KCNIP1: variants seen among roughly 807,000 people sequenced by gnomAD.
KCNIP1 encodes the protein potassium voltage-gated channel interacting protein 1.
A neutral mutation model predicts 33.0 loss-of-function variants in KCNIP1; 18 were observed. That is an observed-to-expected ratio of 0.55 (90% CI 0.38 to 0.81). KCNIP1 has a LOEUF of 0.81. Ranked by LOEUF, KCNIP1 falls within the 30% of genes least tolerant of loss-of-function variation. The probability of loss-of-function intolerance (pLI) is 0.00; values close to 1 mark genes in which losing one functional copy is unlikely to be tolerated. For missense variants in KCNIP1, 238 were observed against 271.6 expected, an observed-to-expected ratio of 0.88 and a Z score of 0.87; for synonymous variants, 93 against 98.3, an observed-to-expected ratio of 0.95 and a Z score of 0.32.
At chr5:170,668,871 G>T (rs933000581) in intron 1 of KCNIP1, among the ~76,000 whole-genome samples, 1 of 152,174 alleles carries the variant, frequency 6.6e-6, no homozygotes, top group Admixed American at 6.5e-5. Context: ...GCTGGTTTTG[G>T]GGTTGCCACA....
intron 1 of KCNIP1, among the ~76,000 whole-genome samples, chr5:170,541,836 ATC>A (rs1581298818): frequency 6.6e-6 from 1 of 152,318 alleles, no homozygotes; most frequent in East Asian, 1.9e-4. Flanking sequence ...CCATTTGCAC[ATC>A]TACAAAAATG....
At chr5:170,635,989 A>G (rs1258507701) in intron 1 of KCNIP1, among the ~76,000 whole-genome samples, 1 of 152,244 alleles carries the variant, frequency 6.6e-6, no homozygotes, top group Non-Finnish European at 1.5e-5. Context: ...TGGGCTGGGT[A>G]TGGGCATGAG....
chr5:170,509,385 A>G (rs1395058952), intron 1 of KCNIP1, among the ~76,000 whole-genome samples: 2 of 152,182 alleles, frequency 1.3e-5, no homozygotes, highest in African/African-American at 2.4e-5. Context: ...AATGGAAGAC[A>G]GAGGAGAAGG....
At chr5:170,581,803 T>G (rs1194858519) in intron 1 of KCNIP1, among the ~76,000 whole-genome samples, 1 of 152,110 alleles carries the variant, frequency 6.6e-6, no homozygotes, top group Non-Finnish European at 1.5e-5. Flanking sequence ...AAAGAAGAGG[T>G]TTATTTGGCT....
At chr5:170,412,909 C>A (rs1755233385) in intron 1 of KCNIP1, among the ~76,000 whole-genome samples, 1 of 152,158 alleles carries the variant, frequency 6.6e-6, no homozygotes, top group Non-Finnish European at 1.5e-5. Flanking sequence ...ACACCTGCCG[C>A]CCCAGGCACC....
In KCNIP1 at chr5:170,504,441, A is replaced by G; in HGVS notation, c.-132A>G. 6.6e-7 allele frequency: 1 copy of G among 1,520,290 alleles called. No homozygotes were observed. Among genetic ancestry groups the G allele is most frequent in the South Asian group, 1.3e-5 (1 of 78,582 alleles). The allele number at this position is 1,520,290 out of a possible 1,614,324, so 94.2% of individuals were successfully genotyped here. A position where few individuals can be genotyped will look rare whatever the true frequency, so the allele number is the denominator to read the frequency against. On this transcript the variant is annotated 5_prime_UTR_variant, in exon 1 of 8. It adds an upstream start codon to the 5' untranslated region. Coordinates refer to ENST00000328939, the MANE Select transcript of KCNIP1 (RefSeq NM_014592.4). The surrounding 1 kb of genome is among the most constrained non-coding windows in gnomAD (Gnocchi z 6.0). ...AGCCTCGCCTCCACGCTTGCTGAAT[A>G]CCAAGCTGCAGGCGAGCTGCCGGGC... is the stretch of plus-strand genomic sequence containing the variant.
intron 1 of KCNIP1, among the ~76,000 whole-genome samples, chr5:170,451,811 G>A (rs531945368): frequency 2.7e-5 from 4 of 150,234 alleles, no homozygotes; most frequent in East Asian, 1.9e-4. Context: ...CTGGGTGTCC[G>A]TGACTGGGCA....
At chr5:170,626,446 A>C (rs1759828419) in intron 1 of KCNIP1, among the ~76,000 whole-genome samples, 1 of 152,216 alleles carries the variant, frequency 6.6e-6, no homozygotes, top group South Asian at 2.1e-4. Flanking sequence ...CACCGTGAGC[A>C]GGTGTCACTG....
chr5:170,442,040 G>T (rs1298726102), intron 1 of KCNIP1, among the ~76,000 whole-genome samples: 1 of 151,688 alleles, frequency 6.6e-6, no homozygotes, highest in African/African-American at 2.4e-5. Context: ...CCAGGAAGAG[G>T]AAGCCACCAC....
intron 1 of KCNIP1, among the ~76,000 whole-genome samples, chr5:170,598,585 C>T (rs971120151): frequency 6.6e-6 from 1 of 152,168 alleles, no homozygotes; most frequent in African/African-American, 2.4e-5. Context: ...CATGGGTGGA[C>T]TCGAGTCCTA....
At chr5:170,656,992 C>CTT (rs11397076) in intron 1 of KCNIP1, among the ~76,000 whole-genome samples, 7,964 of 115,454 alleles carry the variant, frequency 0.069, 609 homozygotes, top group African/African-American at 0.18. Context: ...TTTTTTCTTT[C>CTT]TTTCTTTTTT....
chr5:170,638,371 C>T (rs959674805), intron 1 of KCNIP1, among the ~76,000 whole-genome samples: 5 of 152,180 alleles, frequency 3.3e-5, no homozygotes, highest in African/African-American at 1.2e-4. Flanking sequence ...TCTCAGTCAC[C>T]TCTGTATGCC....
intron 1 of KCNIP1, chr5:170,377,259 C>T (rs1182445142): frequency 6.6e-6 from 1 of 152,256 alleles, no homozygotes; most frequent in African/African-American, 2.4e-5. Context: ...GAACACAGAA[C>T]ATTGCTACCC....
At chr5:170,446,766 T>C (rs1756126207) in intron 1 of KCNIP1, among the ~76,000 whole-genome samples, 1 of 152,114 alleles carries the variant, frequency 6.6e-6, no homozygotes. Flanking sequence ...TTCTATCTTC[T>C]CCCCAGTTCT....
intron 1 of KCNIP1, among the ~76,000 whole-genome samples, chr5:170,620,875 G>A (rs922293283): frequency 1.3e-5 from 2 of 152,212 alleles, no homozygotes; most frequent in Middle Eastern, 3.4e-3. Flanking sequence ...AGGCATGAGG[G>A]CCCTCCCCAA....
At chr5:170,374,060 A>G (rs1046145430) in intron 1 of KCNIP1, among the ~76,000 whole-genome samples, 1 of 152,250 alleles carries the variant, frequency 6.6e-6, no homozygotes, top group Admixed American at 6.5e-5. Context: ...AATACTGGAT[A>G]TTCTCACATA....
intron 1 of KCNIP1, among the ~76,000 whole-genome samples, chr5:170,368,600 T>A (rs576855652): frequency 2.0e-5 from 3 of 152,230 alleles, no homozygotes; most frequent in Non-Finnish European, 4.4e-5. Flanking sequence ...TTTTCTGAAT[T>A]GTCTTCAATA....
intron 1 of KCNIP1, among the ~76,000 whole-genome samples, chr5:170,597,845 AAAGAG>A (rs1351819935): frequency 1.3e-5 from 2 of 148,538 alleles, no homozygotes; most frequent in African/African-American, 2.6e-5. Context: ...GAAAGAAAGA[AAAGAG>A]AGAGAGAGAA....
chr5:170,383,800 T>C (rs751672494), intron 1 of KCNIP1: 1 of 1,614,112 alleles, frequency 6.2e-7, no homozygotes, highest in South Asian at 1.1e-5. Context: ...CTCCTCCTGG[T>C]CCCTGATGTT....
Sources: allele counts gnomAD v4.1 joint callset (sites outside exome capture counted in the v4.1 genomes callset), GRCh38; gene constraint gnomAD v4.1.1; non-coding constraint Gnocchi (gnomAD v3.1); transcripts MANE v1.5; gene names NCBI Gene and HGNC (gene_info 2026-07-23, HGNC 2026-07-21).